Variants in CLASP1 observed in about 807,000 individuals in gnomAD.
CLASP1 encodes cytoplasmic linker associated protein 1.
CLASP1 carries 38 observed loss-of-function variants against 192.3 expected under a neutral mutation model. That is an observed-to-expected ratio of 0.20 (90% CI 0.15 to 0.26). The LOEUF is 0.26. CLASP1 is among the 10% of genes least tolerant of loss of function. CLASP1 has a pLI of 1.00. For missense variants in CLASP1, 1,433 were observed against 1,932.5 expected (o/e 0.74, Z 4.85); for synonymous variants, 691 against 712.8 (o/e 0.97, Z 0.49).
chr2:121,356,515 T>C (rs945275429), intron 37 of CLASP1, among the ~76,000 whole-genome samples: 1 of 152,204 alleles, frequency 6.6e-6, no homozygotes, highest in Non-Finnish European at 1.5e-5. Flanking sequence ...GGTTCTGGCA[T>C]CAACTAGCCA....
At chr2:121,574,222 G>A (rs1024058117) in intron 2 of CLASP1, among the ~76,000 whole-genome samples, 7 of 152,042 alleles carry the variant, frequency 4.6e-5, no homozygotes, top group Admixed American at 1.3e-4. Context: ...CAGTTACTCG[G>A]GAGGCTGAGT....
intron 1 of CLASP1, among the ~76,000 whole-genome samples, chr2:121,630,070 A>G (rs1390661289): frequency 6.6e-6 from 1 of 151,688 alleles, no homozygotes; most frequent in Non-Finnish European, 1.5e-5. Flanking sequence ...ACAGGTGTGC[A>G]CTACCATGCC....
intron 2 of CLASP1, among the ~76,000 whole-genome samples, chr2:121,577,344 T>C (rs879774736): frequency 6.6e-6 from 1 of 151,976 alleles, no homozygotes. Context: ...TCTCTATCAA[T>C]AGGAGACAAA....
At chr2:121,634,912 C>A (rs764059333) in intron 1 of CLASP1, among the ~76,000 whole-genome samples, 3 of 152,164 alleles carry the variant, frequency 2.0e-5, no homozygotes, top group Non-Finnish European at 2.9e-5. Context: ...GCTATAGATT[C>A]AGATACATAC....
chr2:121,407,648 G>A (rs1435911466), exon 25 of CLASP1: 4 of 1,613,946 alleles, frequency 2.5e-6, no homozygotes, highest in Non-Finnish European at 3.4e-6. Flanking sequence ...AACACTTGAG[G>A]CATCACTGTT....
chr2:121,404,826 C>T (rs1164009682), intron 25 of CLASP1, among the ~76,000 whole-genome samples: 1 of 152,138 alleles, frequency 6.6e-6, no homozygotes, highest in Non-Finnish European at 1.5e-5. Context: ...AAGCCATGCA[C>T]CAAATCTTTT....
At chr2:121,645,332 G>T (rs1423403807) in intron 1 of CLASP1, among the ~76,000 whole-genome samples, 3 of 152,226 alleles carry the variant, frequency 2.0e-5, no homozygotes, top group African/African-American at 7.2e-5. Context: ...GGAGGGAGCA[G>T]ACTGTAGTAG....
chr2:121,450,121 G>A (rs1322717257), intron 16 of CLASP1, among the ~76,000 whole-genome samples: 1 of 152,120 alleles, frequency 6.6e-6, no homozygotes, highest in African/African-American at 2.4e-5. Context: ...CACGAGGTCA[G>A]GAGATCGAGA....
chr2:121,360,312 G>C (rs1161345156), intron 37 of CLASP1, among the ~76,000 whole-genome samples: 2 of 152,116 alleles, frequency 1.3e-5, no homozygotes, highest in Non-Finnish European at 2.9e-5. Flanking sequence ...ACAAACTTTG[G>C]AAGTATTAAT....
chr2:121,430,916 A>T (rs1293943151), intron 19 of CLASP1, among the ~76,000 whole-genome samples: 1 of 152,150 alleles, frequency 6.6e-6, no homozygotes, highest in Non-Finnish European at 1.5e-5. Flanking sequence ...TAAAAATAAA[A>T]ATGAATTCAG....
At position 121,407,627 on chromosome 2, in the gene CLASP1, C is replaced by T. The variant is rs765663813; in HGVS notation, c.2513G>A (p.Arg838His). 10 of 1,613,870 alleles carry T rather than the reference C, an allele frequency of 6.2e-6. No individual in the cohort carries two copies. The highest frequency in any genetic ancestry group is 2.7e-5 in the African/African-American group (2 of 74,910). The change falls in exon 25 of 40, where the codon CGC (arginine) becomes CAC (histidine). Residue 838 changes from arginine to histidine, a missense_variant. Around this residue, in one of 8 missense-constraint regions of CLASP1, gnomAD observed 445 missense variants for 535.5 expected, o/e 0.83. Transcript: ENST00000263710. Reference sequence around the variant, plus strand: ...GCCACCATTCCTGGAGCCATATGAGCGCTCAGAGCAAACACTTGAGGCATC... The same window carrying T: ...GCCACCATTCCTGGAGCCATATGAGTGCTCAGAGCAAACACTTGAGGCATC...
At chr2:121,445,618 G>C (rs2084180353) in intron 19 of CLASP1, 1 of 465,086 alleles carries the variant, frequency 2.2e-6, no homozygotes, top group Non-Finnish European at 3.7e-6. Flanking sequence ...CAATTTTTTG[G>C]TGTTTTTGTT....
intron 8 of CLASP1, among the ~76,000 whole-genome samples, chr2:121,473,680 T>A (rs74984576): frequency 0.01 from 1,560 of 152,238 alleles, 30 homozygotes; most frequent in African/African-American, 0.036. Flanking sequence ...AGGCACATCA[T>A]AATCAAACTG....
intron 34 of CLASP1, among the ~76,000 whole-genome samples, chr2:121,368,073 T>G (rs967628552): frequency 3.3e-5 from 5 of 152,174 alleles, no homozygotes; most frequent in African/African-American, 9.7e-5. Flanking sequence ...ACTTTGTAAT[T>G]TGATGATCCA....
chr2:121,584,648 C>T (rs2061534619), intron 2 of CLASP1, among the ~76,000 whole-genome samples: 1 of 151,122 alleles, frequency 6.6e-6, no homozygotes, highest in South Asian at 2.1e-4. Flanking sequence ...TTTCTGGAAA[C>T]AGGGTCTCAC....
At position 121,344,168 on chromosome 2, in the gene CLASP1, C is replaced by A. The variant is rs554547170; in HGVS notation, c.4530+2870G>T. Among the ~76,000 whole-genome samples the A allele has an allele frequency of 3.9e-5, 6 of 152,100 alleles. No individual in the cohort carries two copies. In the South Asian group the frequency reaches 1.2e-3, roughly 32 times the overall value. On this transcript the variant is annotated intron_variant, in intron 39 of 39. Coordinates refer to ENST00000263710, the Ensembl canonical transcript of CLASP1. Reference sequence around the variant, plus strand: ...AATGCTTGTTCAAGGTCATAAAACTCGTAAGTGGGGAACAGAGACCAGAAG... The same window carrying A: ...AATGCTTGTTCAAGGTCATAAAACTAGTAAGTGGGGAACAGAGACCAGAAG...
rs552537247 is a variant in CLASP1 at position 121,437,773 on chromosome 2, C to T, written c.1913-7596G>A. 2.8e-4 allele frequency among the ~76,000 whole-genome samples: 43 copies of T among 152,298 alleles called. 1 individual carries two copies. The highest frequency in any genetic ancestry group is 1.0e-3 in the African/African-American group (43 of 41,558). On this transcript the variant is annotated intron_variant, in intron 19 of 39. Coordinates refer to ENST00000263710, the Ensembl canonical transcript of CLASP1. ...TTCTGTCCTTTATGTCCTGCACAAT[C>T]ATCACATCAAATGCCCAAGGACCCC...
At chr2:121,570,319 A>G (rs752673310) in intron 2 of CLASP1, among the ~76,000 whole-genome samples, 54 of 152,248 alleles carry the variant, frequency 3.5e-4, no homozygotes, top group Non-Finnish European at 7.1e-4. Flanking sequence ...AATGTGATCT[A>G]GAATTCAGTG....
At chr2:121,567,604 C>T (rs191344317) in intron 2 of CLASP1, among the ~76,000 whole-genome samples, 42 of 152,346 alleles carry the variant, frequency 2.8e-4, no homozygotes, top group Middle Eastern at 3.4e-3. Flanking sequence ...CCCGTGCAAA[C>T]GTCTCCTCTG....
Sources: allele counts gnomAD v4.1 joint callset (sites outside exome capture counted in the v4.1 genomes callset), GRCh38; gene constraint gnomAD v4.1.1; regional missense constraint gnomAD v4.1.1; transcripts MANE v1.5; gene names NCBI Gene and HGNC (gene_info 2026-07-23, HGNC 2026-07-21).